DSCAM: variants seen among roughly 807,000 people sequenced by gnomAD.
DSCAM encodes DS cell adhesion molecule.
A neutral mutation model predicts 217.7 loss-of-function variants in DSCAM; 47 were observed. That is an observed-to-expected ratio of 0.22 (90% CI 0.17 to 0.28). The LOEUF (loss-of-function observed/expected upper bound fraction) is 0.28. Ranked by LOEUF, DSCAM falls within the 10% of genes least tolerant of loss-of-function variation. The pLI is 1.00. For missense variants in DSCAM, 2,080 were observed against 2,618.3 expected (o/e 0.79, Z 4.49); for synonymous variants, 1,056 against 1,015.3 (o/e 1.04, Z -0.76).
At chr21:40,022,945 A>G (rs994782265) in intron 32 of DSCAM, among the ~76,000 whole-genome samples, 3 of 152,056 alleles carry the variant, frequency 2.0e-5, no homozygotes, top group African/African-American at 7.2e-5. Context: ...ATATGTATAC[A>G]TGTGCCATGC....
chr21:40,609,761 C>T (rs777404196), intron 3 of DSCAM, among the ~76,000 whole-genome samples: 5 of 152,158 alleles, frequency 3.3e-5, no homozygotes, highest in Non-Finnish European at 2.9e-5. Context: ...AAAATAGAAA[C>T]CCTTATTAGA....
chr21:40,481,182 CT>C (rs1156810163), intron 3 of DSCAM, among the ~76,000 whole-genome samples: 1 of 152,154 alleles, frequency 6.6e-6, no homozygotes, highest in East Asian at 1.9e-4. Context: ...GCAAAAGTCA[CT>C]TCCTGTAGAA....
At chr21:40,546,506 T>C (rs761008114) in intron 3 of DSCAM, among the ~76,000 whole-genome samples, 1 of 152,286 alleles carries the variant, frequency 6.6e-6, no homozygotes, top group East Asian at 1.9e-4. Context: ...TCAGTTTCCA[T>C]GTGAGGAGTA....
intron 3 of DSCAM, among the ~76,000 whole-genome samples, chr21:40,604,171 CG>C (rs1350357376): frequency 6.6e-6 from 1 of 151,908 alleles, no homozygotes; most frequent in Non-Finnish European, 1.5e-5. Flanking sequence ...TTTCTCCTGA[CG>C]TATCTTCAAG....
intron 3 of DSCAM, among the ~76,000 whole-genome samples, chr21:40,450,890 G>A (rs2075713544): frequency 6.6e-6 from 1 of 152,124 alleles, no homozygotes; most frequent in Admixed American, 6.5e-5. Context: ...TGCATCTTAG[G>A]ATTTCAATCT....
At chr21:40,594,179 A>T (rs1187584326) in intron 3 of DSCAM, among the ~76,000 whole-genome samples, 1 of 152,220 alleles carries the variant, frequency 6.6e-6, no homozygotes, top group Non-Finnish European at 1.5e-5. Flanking sequence ...ATAAAGTCAA[A>T]AAAGGGTCAT....
At chr21:40,577,738 A>AG (rs1452657193) in intron 3 of DSCAM, among the ~76,000 whole-genome samples, 3 of 152,224 alleles carry the variant, frequency 2.0e-5, no homozygotes, top group Admixed American at 6.5e-5. Flanking sequence ...GAAGTTAAGT[A>AG]GGCAAAAAGT....
At chr21:40,316,438 T>C (rs2074197537) in intron 8 of DSCAM, among the ~76,000 whole-genome samples, 1 of 152,234 alleles carries the variant, frequency 6.6e-6, no homozygotes, top group African/African-American at 2.4e-5. Flanking sequence ...CCTTATATTT[T>C]ATATTCATAA....
At position 40,578,015 on chromosome 21, in the gene DSCAM, T is replaced by A. The variant is rs117965156; in HGVS notation, c.508+114795A>T. 1.4e-3 allele frequency among the ~76,000 whole-genome samples: 206 copies of A among 152,220 alleles called. 1 individual carries two copies. Among genetic ancestry groups the A allele is most frequent in the Non-Finnish European group, 2.4e-3 (165 of 68,014 alleles). On this transcript the variant is annotated intron_variant, in intron 3 of 32. Coordinates refer to ENST00000400454, the MANE Select transcript of DSCAM (RefSeq NM_001389.5). ...TCTGGCTCTCTTAGCTAAGGGAGAATCAATTCAGGTGGAAACAAGCCTAAA... is the reference window on the plus strand; with the variant it reads ...TCTGGCTCTCTTAGCTAAGGGAGAAACAATTCAGGTGGAAACAAGCCTAAA...
intron 3 of DSCAM, among the ~76,000 whole-genome samples, chr21:40,485,287 GGAGT>G (rs1475848793): frequency 6.9e-4 from 100 of 145,590 alleles, no homozygotes; most frequent in East Asian, 1.9e-3. Flanking sequence ...CGCCCAGGCT[GGAGT>G]GAGTGCAGTG....
chr21:40,418,654 T>G (rs1194260216), intron 3 of DSCAM, among the ~76,000 whole-genome samples: 16 of 152,052 alleles, frequency 1.1e-4, no homozygotes, highest in African/African-American at 2.7e-4. Context: ...TATCACAACA[T>G]AAACCAAAAA....
chr21:40,183,614 G>T (rs1485878031), intron 14 of DSCAM, among the ~76,000 whole-genome samples: 1 of 152,196 alleles, frequency 6.6e-6, no homozygotes, highest in Non-Finnish European at 1.5e-5. Context: ...TAAGAGGTGG[G>T]AGGAGAGACA....
At chr21:40,795,239 C>A (rs1248002780) in intron 1 of DSCAM, among the ~76,000 whole-genome samples, 1 of 152,192 alleles carries the variant, frequency 6.6e-6, no homozygotes, top group Non-Finnish European at 1.5e-5. Flanking sequence ...ATTTTCCTCT[C>A]ACACAAACAC....
At chr21:40,381,062 C>CAAAAAAAAAAAAAAAAAAAAAAAAAAAA (rs71186932) in intron 3 of DSCAM, among the ~76,000 whole-genome samples, 1 of 66,222 alleles carries the variant, frequency 1.5e-5, no homozygotes, top group African/African-American at 5.9e-5. Flanking sequence ...GACTCCGTCT[C>CAAAAAAAAAAAAAAAAAAAAAAAAAAAA]AAAAAAAAAA....
At chr21:40,467,930 C>CAAAAAAAAAAAAAAAAA (rs56379350) in intron 3 of DSCAM, among the ~76,000 whole-genome samples, 1 of 84,426 alleles carries the variant, frequency 1.2e-5, no homozygotes, top group African/African-American at 4.6e-5. Context: ...AAAGATTAAC[C>CAAAAAAAAAAAAAAAAA]AAAAAAAAAA....
chr21:40,705,983 A>G (rs71318535), intron 2 of DSCAM, among the ~76,000 whole-genome samples: 5,053 of 152,194 alleles, frequency 0.033, 119 homozygotes, highest in East Asian at 0.11. Flanking sequence ...GATGGAGACC[A>G]TCCTGGCTAA....
In DSCAM at chr21:40,751,167, C is replaced by T. The variant is rs548476595; in HGVS notation, c.44-42396G>A. Among the ~76,000 whole-genome samples the T allele has an allele frequency of 7.9e-5, 12 of 152,234 alleles. No individual in the cohort carries two copies. In the South Asian group the frequency reaches 2.1e-3, roughly 26 times the overall value. On this transcript the variant is annotated intron_variant, in intron 1 of 32. Coordinates refer to ENST00000400454, the MANE Select transcript of DSCAM (RefSeq NM_001389.5). ...GCCCTCTTCCACCCCCGCTGACATCCCCAGGACTCTATCACTTCGTTTAGG... is the reference window on the plus strand; with the variant it reads ...GCCCTCTTCCACCCCCGCTGACATCTCCAGGACTCTATCACTTCGTTTAGG...
At chr21:40,460,330 T>A (rs1301450874) in intron 3 of DSCAM, among the ~76,000 whole-genome samples, 1 of 151,692 alleles carries the variant, frequency 6.6e-6, no homozygotes, top group East Asian at 1.9e-4. Flanking sequence ...AAAATAAAAA[T>A]AAAAAATAAA....
chr21:40,719,107 C>T lies in DSCAM; in HGVS notation c.44-10336G>A, dbSNP rs574680601. Among the ~76,000 whole-genome samples the T allele has an allele frequency of 1.3e-4, 20 of 151,776 alleles. 1 individual carries two copies. In the South Asian group the frequency reaches 4.2e-3, roughly 32 times the overall value. ...CTCCAGCCTGAGCGACACAGTGAGACCTTGTCTCCAAAGAAGAAAAACACA... is the reference window on the plus strand; with the variant it reads ...CTCCAGCCTGAGCGACACAGTGAGATCTTGTCTCCAAAGAAGAAAAACACA... On this transcript the variant is annotated intron_variant, in intron 1 of 32. Transcript: ENST00000400454.
Sources: gnomAD v4.1 joint callset for allele counts (sites outside exome capture counted in the v4.1 genomes callset) on GRCh38, gnomAD v4.1.1 for gene constraint, MANE v1.5 for transcripts, NCBI Gene and HGNC (gene_info 2026-07-23, HGNC 2026-07-21) for gene names.